Variants in GYG1 observed in about 807,000 individuals in gnomAD.
GYG1 encodes the protein glycogenin 1.
In GYG1, 44 loss-of-function variants were observed where a neutral mutation model predicts 41.9. The ratio of observed to expected loss-of-function variants is 1.05; its 90% CI spans 0.83 to 1.35. GYG1 has a LOEUF of 1.35. Ranked by LOEUF, GYG1 falls within the 40% of genes most tolerant of loss-of-function variation. The pLI is 0.00. For missense variants in GYG1, 429 were observed against 418.9 expected (o/e 1.02, Z -0.21); for synonymous variants, 141 against 158.1 (o/e 0.89, Z 0.81).
At chr3:148,992,333 T>A (rs1335297265) in intron 1 of GYG1, 2 of 152,546 alleles carry the variant, frequency 1.3e-5, no homozygotes, top group African/African-American at 4.8e-5. Context: ...TTCCGTGTCA[T>A]TGAGGCTAAT....
Position 149,026,935 on chromosome 3 carries a change from A to C in GYG1, c.*2A>C. ...AAACTTGACACTTACCTCCAGTAGA[A>C]ACACTGCATTTTTCTGTGAACACAT... On this transcript the variant is annotated 3_prime_UTR_variant, in exon 8 of 8. Coordinates refer to ENST00000345003, the MANE Select transcript of GYG1 (RefSeq NM_004130.4). The C allele has an allele frequency of 6.2e-7, 1 of 1,613,814 alleles. No individual in the cohort carries two copies. The highest frequency in any genetic ancestry group is 8.5e-7 in the Non-Finnish European group (1 of 1,179,660).
At chr3:149,024,387 T>C in intron 6 of GYG1, 115 bp downstream of exon 6, 1 of 740,100 alleles carries the variant, frequency 1.4e-6, no homozygotes, top group Non-Finnish European at 2.4e-6. Context: ...AAATAAAATT[T>C]TGTGGAAAGA....
intron 5 of GYG1, among the ~76,000 whole-genome samples, chr3:149,020,912 A>C (rs760737790): frequency 6.6e-6 from 1 of 151,768 alleles, no homozygotes; most frequent in Non-Finnish European, 1.5e-5. Context: ...ATTCTTATGT[A>C]CTCTGTTTCG....
At chr3:149,010,307 G>A (rs1046320639) in intron 5 of GYG1, among the ~76,000 whole-genome samples, 2 of 151,220 alleles carry the variant, frequency 1.3e-5, no homozygotes, top group East Asian at 1.9e-4. Context: ...TGTTTAGCAC[G>A]CACAGTCCCT....
intron 4 of GYG1, among the ~76,000 whole-genome samples, chr3:149,000,781 T>C (rs1169705949): frequency 6.6e-6 from 1 of 152,236 alleles, no homozygotes; most frequent in Non-Finnish European, 1.5e-5. Context: ...TTGATTGGTG[T>C]ACTGGAATTT....
Position 149,026,884 on chromosome 3 carries a change from C to G in GYG1, c.1004C>G (p.Ala335Gly), listed in dbSNP as rs773835814. Residue 335 changes from alanine to glycine, a missense_variant, in exon 8 of 8, where the codon GCA (alanine) becomes GGA (glycine). Ala to Gly is a moderately conservative substitution (Grantham distance 60). Transcript: ENST00000345003. ...WEQGQADYMGADSFDNIKRKL... is the reference protein window; with the variant it reads ...WEQGQADYMGGDSFDNIKRKL... ...CAGGGCCAGGCTGATTATATGGGAG[C>G]AGATTCCTTTGACAACATCAAGAGG... The G allele has an allele frequency of 3.1e-6, 5 of 1,613,676 alleles. No homozygotes were observed. Among genetic ancestry groups the G allele is most frequent in the Non-Finnish European group, 4.2e-6 (5 of 1,179,560 alleles).
At chr3:149,026,309 T>TA (rs758688990) in intron 6 of GYG1, 143 bp from the exon 7 acceptor site, 1 of 741,884 alleles carries the variant, frequency 1.3e-6, no homozygotes, top group Non-Finnish European at 2.5e-6. Flanking sequence ...GCTCTCTAGT[T>TA]AGATTCTTTC....
intron 1 of GYG1, 42 bp from the exon 2 acceptor site, chr3:148,994,100 A>T: frequency 6.3e-7 from 1 of 1,590,230 alleles, no homozygotes; most frequent in Non-Finnish European, 8.6e-7. Context: ...CTTTCTCCAG[A>T]TAAGATACTG....
At chr3:148,993,612 C>T (rs894952170) in intron 1 of GYG1, among the ~76,000 whole-genome samples, 3 of 152,122 alleles carry the variant, frequency 2.0e-5, no homozygotes, top group African/African-American at 7.2e-5. Flanking sequence ...CACTCCACTC[C>T]AGCCTGGGTG....
intron 6 of GYG1, 102 bp downstream of exon 6, chr3:149,024,374 G>A: frequency 1.3e-6 from 1 of 780,176 alleles, no homozygotes; most frequent in Non-Finnish European, 2.3e-6. Context: ...TAAACAAAGA[G>A]ATAAATAAAA....
intron 2 of GYG1, among the ~76,000 whole-genome samples, chr3:148,995,568 G>A (rs1416317995): frequency 6.6e-6 from 1 of 152,124 alleles, no homozygotes; most frequent in Non-Finnish European, 1.5e-5. Flanking sequence ...ATCTAGTCTT[G>A]CATTTCCTGT....
At chr3:149,024,326 G>A (rs1472433377) in intron 6 of GYG1, 54 bp downstream of exon 6, 3 of 1,079,914 alleles carry the variant, frequency 2.8e-6, no homozygotes, top group Admixed American at 1.7e-5. Context: ...TAAAAAAATT[G>A]TTGTATCAAT....
intron 4 of GYG1, among the ~76,000 whole-genome samples, chr3:149,003,202 G>C (rs1439787117): frequency 2.0e-5 from 3 of 147,944 alleles, no homozygotes; most frequent in Non-Finnish European, 4.4e-5. Context: ...TGCAACCTCT[G>C]CCTCCTGGGT....
intron 4 of GYG1, among the ~76,000 whole-genome samples, chr3:149,004,283 G>T (rs1378580977): frequency 6.6e-6 from 1 of 152,190 alleles, no homozygotes; most frequent in Non-Finnish European, 1.5e-5. Flanking sequence ...TAACCTGTCA[G>T]ATTAGATAAA....
chr3:149,030,095 A>C lies in GYG1; in HGVS notation c.*3162A>C. 6.6e-6 allele frequency: 1 copy of C among 152,308 alleles called. No individual in the cohort carries two copies. Among genetic ancestry groups the C allele is most frequent in the East Asian group, 1.9e-4 (1 of 5,158 alleles). 9.4% of individuals were successfully genotyped at this position (152,308 alleles called of 1,614,324 possible). ...TAATGAAGGATTTTATTTGAAGATA[A>C]AGTCAAAATTATGGCACCGAGGAAG... On this transcript the variant is annotated 3_prime_UTR_variant, in exon 8 of 8. Transcript: ENST00000345003.
At chr3:149,010,865 G>A (rs560835679) in intron 5 of GYG1, among the ~76,000 whole-genome samples, 6 of 152,254 alleles carry the variant, frequency 3.9e-5, no homozygotes, top group Middle Eastern at 3.4e-3. Flanking sequence ...CTGAGTTAGC[G>A]GAAAACAAAG....
In GYG1 at chr3:148,994,248, C is replaced by T. The variant is rs61733452; in HGVS notation, c.114C>T (p.Leu38=). Residue 38 remains leucine (L), a synonymous_variant, in exon 2 of 8, where the codon CTC becomes CTT. Coordinates refer to ENST00000345003, the MANE Select transcript of GYG1 (RefSeq NM_004130.4). ...GGACCACCAGGAGGCTGGTCGTGCTCGCCACCCCTCAGGTCTCAGACTCCA... is the reference window on the plus strand; with the variant it reads ...GGACCACCAGGAGGCTGGTCGTGCTTGCCACCCCTCAGGTCTCAGACTCCA... ...QHRTTRRLVV[L]ATPQVSDSMR... is the part of the protein sequence containing the mutation. 11,302 of 1,613,992 alleles carry T rather than the reference C, an allele frequency of 7.0e-3. 714 individuals are homozygous for T. The African/African-American group carries it at 0.13, about 19-fold the overall frequency.
At position 148,996,871 on chromosome 3, in the gene GYG1, T is replaced by C. The variant is rs558790379; in HGVS notation, c.448T>C (p.Leu150=). ...QPSVETYNQL[L]HLASEQGSFD... Reference sequence around the variant, plus strand: ...TTCAGTTGAAACATACAATCAGCTGTTGCATCTTGCTTCTGAGCAAGGTAG... The same window carrying C: ...TTCAGTTGAAACATACAATCAGCTGCTGCATCTTGCTTCTGAGCAAGGTAG... The change falls in exon 4 of 8, where the codon TTG becomes CTG. Residue 150 remains leucine, a synonymous_variant. Transcript: ENST00000345003. The C allele has an allele frequency of 6.2e-7, 1 of 1,613,682 alleles. No individual in the cohort carries two copies. The highest frequency in any genetic ancestry group is 8.5e-7 in the Non-Finnish European group (1 of 1,179,600).
intron 5 of GYG1, among the ~76,000 whole-genome samples, chr3:149,015,631 C>A (rs990566847): frequency 6.6e-6 from 1 of 152,068 alleles, no homozygotes; most frequent in African/African-American, 2.4e-5. Flanking sequence ...TTCCTGGTGA[C>A]TTTGGCAAGA....
Sources: gnomAD v4.1 joint callset for allele counts (sites outside exome capture counted in the v4.1 genomes callset) on GRCh38, gnomAD v4.1.1 for gene constraint, MANE v1.5 for transcripts, NCBI Gene and HGNC (gene_info 2026-07-23, HGNC 2026-07-21) for gene names.